PRUNE2: variants seen among roughly 807,000 people sequenced by gnomAD.
PRUNE2 encodes the protein protein prune homolog 2.
A neutral mutation model predicts 252.0 loss-of-function variants in PRUNE2; 164 were observed. The observed-to-expected ratio is 0.65, with a 90% CI of 0.57 to 0.74. PRUNE2 has a LOEUF of 0.74. Among genes scored for constraint, PRUNE2 ranks in the 30% least tolerant of loss-of-function variants. The probability of loss-of-function intolerance (pLI) is 0.00; values close to 1 mark genes in which losing one functional copy is unlikely to be tolerated. For missense variants in PRUNE2, 3,495 were observed against 3,711.0 expected (o/e 0.94, Z 1.51); for synonymous variants, 1,292 against 1,350.2 (o/e 0.96, Z 0.94).
Position 76,705,463 on chromosome 9 carries a change from G to C in PRUNE2, c.6811C>G (p.Pro2271Ala). 1 of 1,613,894 alleles carries C rather than the reference G, an allele frequency of 6.2e-7. No homozygotes were observed. The highest frequency in any genetic ancestry group is 8.5e-7 in the Non-Finnish European group (1 of 1,179,832). Residue 2271 changes from proline to alanine, a missense_variant, in exon 8 of 19, where the codon CCA (proline) becomes GCA (alanine). Coordinates refer to ENST00000376718, the MANE Select transcript of PRUNE2 (RefSeq NM_015225.3). ...PGARALFDGDPHLSTENPALV... is the reference protein window; with the variant it reads ...PGARALFDGDAHLSTENPALV... ...GCAGGATTCTCTGTGGATAAATGTG[G>C]ATCACCATCAAACAAAGCTCTTGCA...
chr9:76,813,295 C>T (rs577267758), intron 6 of PRUNE2, among the ~76,000 whole-genome samples: 1 of 152,310 alleles, frequency 6.6e-6, no homozygotes, highest in South Asian at 2.1e-4. Flanking sequence ...TAAACACATT[C>T]AAATAGTTGT....
chr9:76,618,879 G>A (rs567321876), intron 18 of PRUNE2, among the ~76,000 whole-genome samples: 3 of 152,240 alleles, frequency 2.0e-5, no homozygotes, highest in South Asian at 4.1e-4. Flanking sequence ...TCACAGGATG[G>A]CAATCCTCTA....
chr9:76,675,368 C>T (rs2042327986), intron 9 of PRUNE2, among the ~76,000 whole-genome samples: 1 of 49,626 alleles, frequency 2.0e-5, no homozygotes, highest in East Asian at 6.4e-4. Flanking sequence ...CAATGAGATA[C>T]CATCTCACAC....
chr9:76,626,495 CAG>C (rs1834820788), intron 16 of PRUNE2, among the ~76,000 whole-genome samples: 2 of 152,212 alleles, frequency 1.3e-5, no homozygotes, highest in South Asian at 2.1e-4. Context: ...TTACAGAAAA[CAG>C]AACACATGGA....
At chr9:76,696,162 CA>C (rs2045362311) in intron 9 of PRUNE2, among the ~76,000 whole-genome samples, 1 of 152,168 alleles carries the variant, frequency 6.6e-6, no homozygotes, top group South Asian at 2.1e-4. Context: ...TGGACTTCTA[CA>C]AAGGGTTACC....
chr9:76,695,397 C>A (rs1043138794), intron 9 of PRUNE2, among the ~76,000 whole-genome samples: 3 of 152,072 alleles, frequency 2.0e-5, no homozygotes, highest in African/African-American at 7.2e-5. Context: ...AACAGATGAC[C>A]AAGAAGGAAA....
intron 6 of PRUNE2, among the ~76,000 whole-genome samples, chr9:76,726,091 C>T (rs961389523): frequency 2.6e-5 from 4 of 152,130 alleles, no homozygotes; most frequent in Admixed American, 6.5e-5. Flanking sequence ...ATCCTCTACA[C>T]GGTGGGAACC....
In PRUNE2 at chr9:76,675,153, G is replaced by A. The variant is rs1225129342; in HGVS notation, c.8277-19651C>T. Among the ~76,000 whole-genome samples the A allele has an allele frequency of 7.8e-5, 8 of 102,448 alleles. 1 individual carries two copies. Among genetic ancestry groups the A allele is most frequent in the African/African-American group, 2.1e-4 (7 of 33,180 alleles). The allele number at this position is 102,448 out of a possible 152,430, so 67.2% of individuals were successfully genotyped here. A position where few individuals can be genotyped will look rare whatever the true frequency, so the allele number is the denominator to read the frequency against. On this transcript the variant is annotated intron_variant, in intron 9 of 18. Coordinates refer to ENST00000376718, the MANE Select transcript of PRUNE2 (RefSeq NM_015225.3). ...ACCTACAAAATGGGTGAAAATTTTC[G>A]CAACTTACTCATCTGACAAAGGGCT... is the stretch of plus-strand genomic sequence containing the variant.
chr9:76,701,164 T>G (rs573116180), intron 9 of PRUNE2, among the ~76,000 whole-genome samples: 2 of 152,300 alleles, frequency 1.3e-5, no homozygotes, highest in East Asian at 3.9e-4. Context: ...GAGCCGATAA[T>G]TTGCATTTCT....
intron 17 of PRUNE2, among the ~76,000 whole-genome samples, chr9:76,624,183 C>T (rs938617902): frequency 3.3e-5 from 5 of 152,100 alleles, no homozygotes; most frequent in Admixed American, 2.6e-4. Context: ...CTGTGATGTG[C>T]TCTTTTGTTG....
intron 9 of PRUNE2, among the ~76,000 whole-genome samples, chr9:76,678,753 C>T (rs576897961): frequency 3.3e-5 from 5 of 152,234 alleles, no homozygotes; most frequent in East Asian, 1.9e-4. Context: ...GTGTGAACCT[C>T]GGAGGCGGAG....
At chr9:76,773,813 G>A (rs1191946380) in intron 6 of PRUNE2, among the ~76,000 whole-genome samples, 1 of 152,100 alleles carries the variant, frequency 6.6e-6, no homozygotes, top group African/African-American at 2.4e-5. Flanking sequence ...AACTGGTAAA[G>A]GGAATTCAAC....
intron 15 of PRUNE2, 99 bp from the exon 16 acceptor site, chr9:76,629,389 T>C (rs1836440908): frequency 1.7e-6 from 1 of 596,992 alleles, no homozygotes; most frequent in Non-Finnish European, 2.9e-6. Context: ...CTTAACACCT[T>C]GCCACAGCAC....
At position 76,709,613 on chromosome 9, in the gene PRUNE2, A is replaced by C. The variant is rs764266476; in HGVS notation, c.2661T>G (p.Asp887Glu). ...FAPGNPSSDL[D>E]HTWTNSKPPK... is the part of the protein sequence containing the mutation. ...GTGGCTTAGAATTAGTCCATGTGTGATCCAGATCAGAACTGGGATTTCCAG... is the reference window on the plus strand; with the variant it reads ...GTGGCTTAGAATTAGTCCATGTGTGCTCCAGATCAGAACTGGGATTTCCAG... The change falls in exon 8 of 19, where the codon GAT (aspartate) becomes GAG (glutamate). Residue 887 changes from aspartate to glutamate, a missense_variant. Transcript: ENST00000376718. The C allele has an allele frequency of 1.3e-5, 21 of 1,613,878 alleles. 1 individual carries two copies. The Admixed American group carries it at 3.3e-4, about 26-fold the overall frequency.
intron 9 of PRUNE2, chr9:76,687,576 C>A: frequency 2.8e-6 from 1 of 352,916 alleles, no homozygotes; most frequent in Non-Finnish European, 5.8e-6. Context: ...CTAGGGTTTC[C>A]AAAGCAGACT....
At chr9:76,820,868 C>G (rs2057999113) in intron 6 of PRUNE2, among the ~76,000 whole-genome samples, 1 of 151,992 alleles carries the variant, frequency 6.6e-6, no homozygotes, top group South Asian at 2.1e-4. Context: ...TTATTTAAAT[C>G]CAAAAGGAAA....
chr9:76,661,875 G>GT (rs142141727), intron 9 of PRUNE2, among the ~76,000 whole-genome samples: 7,721 of 145,552 alleles, frequency 0.053, 235 homozygotes, highest in Non-Finnish European at 0.077. Context: ...TAAAAACACA[G>GT]TTTTTTTTTT....
At chr9:76,730,563 C>T (rs532736723) in intron 6 of PRUNE2, among the ~76,000 whole-genome samples, 3 of 152,220 alleles carry the variant, frequency 2.0e-5, no homozygotes, top group Admixed American at 1.3e-4. Flanking sequence ...TTAACCAATG[C>T]TACCAGAAGC....
In PRUNE2 at chr9:76,624,872, C is replaced by T. The variant is rs150969177; in HGVS notation, c.9150-382G>A. 932 of 435,818 alleles carry T rather than the reference C, an allele frequency of 2.1e-3. 7 individuals carry two copies. Among genetic ancestry groups the T allele is most frequent in the African/African-American group, 0.018 (895 of 48,818 alleles). The allele number at this position is 435,818 out of a possible 1,614,324, so 27.0% of individuals were successfully genotyped here. A position where few individuals can be genotyped will look rare whatever the true frequency, so the allele number is the denominator to read the frequency against. Reference sequence around the variant, plus strand: ...CAGTTGCAAATTAGGTTGACCTCAACAGCTTTACACACAGGACAAAGACTG... The same window carrying T: ...CAGTTGCAAATTAGGTTGACCTCAATAGCTTTACACACAGGACAAAGACTG... On this transcript the variant is annotated intron_variant, in intron 16 of 18. Transcript: ENST00000376718.
Sources: allele counts gnomAD v4.1 joint callset (sites outside exome capture counted in the v4.1 genomes callset), GRCh38; gene constraint gnomAD v4.1.1; transcripts MANE v1.5; gene names NCBI Gene and HGNC (gene_info 2026-07-23, HGNC 2026-07-21).